Variants in MTURN observed in about 807,000 individuals in gnomAD.
The protein encoded by MTURN is maturin.
Under a neutral mutation model 14.9 loss-of-function variants are expected in MTURN, and 7 were observed. The observed-to-expected ratio is 0.47, with a 90% CI of 0.27 to 0.88. The LOEUF is 0.88. Ranked by LOEUF, MTURN falls within the 40% of genes least tolerant of loss-of-function variation. The pLI, the probability that MTURN is intolerant of heterozygous loss-of-function variation, is 0.14. For synonymous variants in MTURN, 69 were observed against 72.5 expected (o/e 0.95, Z 0.25); for missense variants, 151 against 174.1 (o/e 0.87, Z 0.75).
intron 2 of MTURN, among the ~76,000 whole-genome samples, chr7:30,155,569 C>G (rs1210021734): frequency 6.6e-6 from 1 of 152,220 alleles, no homozygotes; most frequent in African/African-American, 2.4e-5. Context: ...TTGGAGCACC[C>G]TCTCCGGGGA....
intron 2 of MTURN, among the ~76,000 whole-genome samples, chr7:30,152,605 A>C (rs1008555161): frequency 2.0e-5 from 3 of 152,228 alleles, no homozygotes; most frequent in Admixed American, 1.3e-4. Context: ...AGGATCTCTG[A>C]AGCCACAGGG....
At chr7:30,139,411 G>T (rs185516757) in intron 1 of MTURN, among the ~76,000 whole-genome samples, 2 of 152,262 alleles carry the variant, frequency 1.3e-5, no homozygotes, top group African/African-American at 4.8e-5. Context: ...TTAATAAGTG[G>T]TAGAGCAACT....
rs893440199 is a variant in MTURN, at chr7:30,135,057, A to G, written c.-80A>G. The G allele has an allele frequency of 3.5e-5, 40 of 1,155,452 alleles. No individual in the cohort carries two copies. The highest frequency in any genetic ancestry group is 1.0e-4 in the Admixed American group (2 of 19,944). The allele number at this position is 1,155,452 out of a possible 1,614,324, so 71.6% of individuals were successfully genotyped here. A position where few individuals can be genotyped will look rare whatever the true frequency, so the allele number is the denominator to read the frequency against. Reference sequence around the variant, plus strand: ...GGAGGAGCCCGCGCAGGCCGAGCCGAGCGCCGCGCTGCCCGCCCGGGAGGA... The same window carrying G: ...GGAGGAGCCCGCGCAGGCCGAGCCGGGCGCCGCGCTGCCCGCCCGGGAGGA... On this transcript the variant is annotated 5_prime_UTR_variant, in exon 1 of 3. Transcript: ENST00000324453.
intron 1 of MTURN, 73 bp downstream of exon 1, chr7:30,135,371 TC>T: frequency 7.4e-7 from 1 of 1,354,796 alleles, no homozygotes; most frequent in Non-Finnish European, 9.6e-7. Flanking sequence ...GCGCCCGAGC[TC>T]CCGCGCGGTG....
chr7:30,159,635 T>C lies in MTURN; in HGVS notation c.*2087T>C, dbSNP rs1466394877. 1 of 152,674 alleles carries C rather than the reference T, an allele frequency of 6.5e-6. No individual in the cohort carries two copies. Among genetic ancestry groups the C allele is most frequent in the Non-Finnish European group, 1.5e-5 (1 of 68,046 alleles). The allele number at this position is 152,674 out of a possible 1,614,324, so 9.5% of individuals were successfully genotyped here. A position where few individuals can be genotyped will look rare whatever the true frequency, so the allele number is the denominator to read the frequency against. Reference sequence around the variant, plus strand: ...AGATAGACTCGGCCATTCTGTGGGCTGATGAGAATTCTGGGCTTTGTTTTG... The same window carrying C: ...AGATAGACTCGGCCATTCTGTGGGCCGATGAGAATTCTGGGCTTTGTTTTG... On this transcript the variant is annotated 3_prime_UTR_variant, in exon 3 of 3. Coordinates refer to ENST00000324453, the MANE Select transcript of MTURN (RefSeq NM_152793.3).
chr7:30,162,472 G>A lies in MTURN; in HGVS notation c.*4924G>A, dbSNP rs975930473. Reference sequence around the variant, plus strand: ...GAAGCAAAAGCAAGGAATAGTTGTTGGGTTTTTGTTTTTTGGTTGTTGTTT... The same window carrying A: ...GAAGCAAAAGCAAGGAATAGTTGTTAGGTTTTTGTTTTTTGGTTGTTGTTT... On this transcript the variant is annotated 3_prime_UTR_variant, in exon 3 of 3. Coordinates refer to ENST00000324453, the MANE Select transcript of MTURN (RefSeq NM_152793.3). The A allele has an allele frequency of 3.3e-5, 5 of 150,786 alleles. No homozygotes were observed. The highest frequency in any genetic ancestry group is 6.6e-5 in the Admixed American group (1 of 15,104). 9.3% of individuals were successfully genotyped at this position (150,786 alleles called of 1,614,324 possible). A position where few individuals can be genotyped will look rare whatever the true frequency, so the allele number is the denominator to read the frequency against.
Position 30,148,383 on chromosome 7 carries a change from C to G in MTURN, c.285+2084C>G, listed in dbSNP as rs555859765. ...GGTGAGCTGGAGGAATTCCAGGAGT[C>G]ACAGAAGGACATGGGCTCTTACTCT... On this transcript the variant is annotated intron_variant, in intron 2 of 2. Transcript: ENST00000324453. 2.3e-4 allele frequency among the ~76,000 whole-genome samples: 35 copies of G among 152,324 alleles called. 1 individual carries two copies. Among genetic ancestry groups the G allele is most frequent in the African/African-American group, 8.4e-4 (35 of 41,566 alleles).
chr7:30,146,215 G>T lies in MTURN; in HGVS notation c.201G>T (p.Leu67Phe). ...AGAGCGAGGACTGCCTGCCTTTCTT[G>T]CAGCTAGCACAGGATTACATCTCCT... ...WSESEDCLPF[L>F]QLAQDYISSC... The change falls in exon 2 of 3, where the codon TTG becomes TTT. Residue 67 changes from leucine (L) to phenylalanine (F), a missense_variant. By Grantham distance (22) the Leu-to-Phe change is conservative. Transcript: ENST00000324453. 1 of 1,614,168 alleles carries T rather than the reference G, an allele frequency of 6.2e-7. No individual in the cohort carries two copies. The highest frequency in any genetic ancestry group is 1.1e-5 in the South Asian group (1 of 91,088).
At chr7:30,150,881 A>C (rs1426694130) in intron 2 of MTURN, among the ~76,000 whole-genome samples, 1 of 152,198 alleles carries the variant, frequency 6.6e-6, no homozygotes, top group African/African-American at 2.4e-5. Context: ...TAACAGGTAC[A>C]CTTGGCCTCA....
rs1796919152 is a variant in MTURN, at chr7:30,135,030, C to G, written c.-107C>G. 3 of 1,005,398 alleles carry G rather than the reference C, an allele frequency of 3.0e-6. No homozygotes were observed. The highest frequency in any genetic ancestry group is 3.7e-6 in the Non-Finnish European group (3 of 819,738). 62.3% of individuals were successfully genotyped at this position (1,005,398 alleles called of 1,614,324 possible). The stretch of plus-strand genomic sequence containing the variant: ...CAGTCCCAGCCGGCCCAGCCCGGCC[C>G]CGGAGGAGCCCGCGCAGGCCGAGCC... On this transcript the variant is annotated 5_prime_UTR_variant, in exon 1 of 3. Transcript: ENST00000324453.
chr7:30,136,169 G>A (rs1796957026), intron 1 of MTURN, among the ~76,000 whole-genome samples: 1 of 152,226 alleles, frequency 6.6e-6, no homozygotes, highest in Non-Finnish European at 1.5e-5. Context: ...TCCAGATGAC[G>A]GGGAATCCCC....
intron 1 of MTURN, among the ~76,000 whole-genome samples, chr7:30,136,818 C>T (rs1176441772): frequency 3.3e-5 from 5 of 152,154 alleles, no homozygotes; most frequent in Non-Finnish European, 7.3e-5. Context: ...ATAATGCCAG[C>T]ACCCAGGCGT....
At chr7:30,154,771 C>G (rs1463694873) in intron 2 of MTURN, among the ~76,000 whole-genome samples, 1 of 152,198 alleles carries the variant, frequency 6.6e-6, no homozygotes, top group Non-Finnish European at 1.5e-5. Context: ...AGAACTGCCT[C>G]TCCTCTCCCC....
chr7:30,150,920 A>T (rs1046723253), intron 2 of MTURN, among the ~76,000 whole-genome samples: 3 of 152,212 alleles, frequency 2.0e-5, no homozygotes, highest in Non-Finnish European at 4.4e-5. Flanking sequence ...TGGGGGCAAT[A>T]CTGATTTAGC....
intron 2 of MTURN, among the ~76,000 whole-genome samples, chr7:30,152,859 T>A (rs1797232768): frequency 6.6e-6 from 1 of 152,102 alleles, no homozygotes. Flanking sequence ...TTCTCCAGAG[T>A]TGGCAGCTCT....
At chr7:30,156,430 C>A (rs764398465) in intron 2 of MTURN, among the ~76,000 whole-genome samples, 14 of 150,578 alleles carry the variant, frequency 9.3e-5, no homozygotes, top group Non-Finnish European at 2.1e-4. Context: ...TTTGGGAGGC[C>A]GAGGCAGGAG....
At chr7:30,138,393 G>C (rs1054478362) in intron 1 of MTURN, among the ~76,000 whole-genome samples, 1 of 152,176 alleles carries the variant, frequency 6.6e-6, no homozygotes, top group Non-Finnish European at 1.5e-5. Flanking sequence ...GGGATGATAG[G>C]CGTGAGCCAC....
intron 2 of MTURN, among the ~76,000 whole-genome samples, chr7:30,156,714 A>G (rs925769859): frequency 2.6e-4 from 40 of 151,972 alleles, no homozygotes; most frequent in African/African-American, 8.7e-4. Flanking sequence ...AGTCCCAGCT[A>G]CTCAGGAGGT....
chr7:30,141,955 G>A (rs1562567901), intron 1 of MTURN, among the ~76,000 whole-genome samples: 1 of 152,156 alleles, frequency 6.6e-6, no homozygotes, highest in Non-Finnish European at 1.5e-5. Flanking sequence ...GGAGACACAG[G>A]AGTGTGTTCT....
Sources: allele counts gnomAD v4.1 joint callset (sites outside exome capture counted in the v4.1 genomes callset), GRCh38; gene constraint gnomAD v4.1.1; transcripts MANE v1.5; gene names NCBI Gene and HGNC (gene_info 2026-07-23, HGNC 2026-07-21).